The following HAUS8 variants were observed in gnomAD, a reference collection of about 807,000 sequenced individuals.
HAUS8 encodes the protein HAUS augmin-like complex subunit 8.
HAUS8 carries 38 observed loss-of-function variants against 42.9 expected under a neutral mutation model. The observed-to-expected ratio is 0.89, with a 90% CI of 0.68 to 1.16. The LOEUF (loss-of-function observed/expected upper bound fraction) is 1.16. HAUS8 is among the 50% of genes most tolerant of loss of function. The pLI, the probability that HAUS8 is intolerant of heterozygous loss-of-function variation, is 0.00. For missense variants in HAUS8, 494 were observed against 511.6 expected (o/e 0.97, Z 0.33); for synonymous variants, 199 against 205.8 (o/e 0.97, Z 0.28).
At chr19:17,075,471 G>T, upstream of HAUS8, 1 of 1,608,562 alleles carries the variant, frequency 6.2e-7, no homozygotes, top group South Asian at 1.1e-5. Flanking sequence ...TTCAAAGCCG[G>T]ACCCGCCCCC....
intron 10 of HAUS8, among the ~76,000 whole-genome samples, chr19:17,050,757 G>A (rs1356018554): frequency 6.6e-5 from 10 of 152,174 alleles, no homozygotes; most frequent in South Asian, 4.1e-4. Flanking sequence ...TTAGCCGGGC[G>A]TGGTGGAACG....
chr19:17,068,947 C>A, intron 3 of HAUS8, 84 bp downstream of exon 3: 1 of 1,259,574 alleles, frequency 7.9e-7, no homozygotes, highest in Non-Finnish European at 1.1e-6. Context: ...AGGTTGTGAC[C>A]ACCTCCCATG....
Position 17,068,099 on chromosome 19 carries a change from CTTTTTTTTTTTTT to C in HAUS8, c.147+919_147+931del, listed in dbSNP as rs889723027. Among the ~76,000 whole-genome samples the C allele has an allele frequency of 1.9e-3, 174 of 93,486 alleles. 2 individuals are homozygous for C. The highest frequency in any genetic ancestry group is 0.014 in the Middle Eastern group (2 of 138). The allele number at this position is 93,486 out of a possible 152,430, so 61.3% of individuals were successfully genotyped here. The stretch of plus-strand genomic sequence containing the variant: ...TAAAAACCTGTTTTTTTATTTTATT[CTTTTTTTTTTTTT>C]TTTTTTTTTTTGAAGACACGGGTCA... On this transcript the variant is annotated intron_variant, in intron 3 of 10. Transcript: ENST00000253669.
chr19:17,068,401 G>A (rs2057400918), intron 3 of HAUS8, among the ~76,000 whole-genome samples: 1 of 152,124 alleles, frequency 6.6e-6, no homozygotes, highest in Non-Finnish European at 1.5e-5. Context: ...ATACCAGCCA[G>A]ACACCAAGAA....
intron 10 of HAUS8, among the ~76,000 whole-genome samples, chr19:17,050,873 G>C (rs144763954): frequency 5.7e-4 from 87 of 151,558 alleles, no homozygotes; most frequent in African/African-American, 2.0e-3. Context: ...ACTCCAACCT[G>C]GGCGACAAAG....
At chr19:17,051,503 T>A (rs2057287142) in intron 10 of HAUS8, among the ~76,000 whole-genome samples, 2 of 151,674 alleles carry the variant, frequency 1.3e-5, no homozygotes. Flanking sequence ...TTTCTATCAA[T>A]CAGAAGTTCA....
intron 2 of HAUS8, among the ~76,000 whole-genome samples, chr19:17,070,417 G>A (rs995701931): frequency 6.6e-6 from 1 of 152,206 alleles, no homozygotes; most frequent in South Asian, 2.1e-4. Context: ...GGAAGCCTAA[G>A]TGCCTCCGGG....
chr19:17,055,191 TAA>T (rs1462471391), intron 9 of HAUS8: 19 of 67,998 alleles, frequency 2.8e-4, no homozygotes, highest in African/African-American at 1.1e-3. Flanking sequence ...TATATATATA[TAA>T]GCCAGGTGTG....
intron 9 of HAUS8, chr19:17,053,254 G>A: frequency 2.3e-6 from 1 of 436,030 alleles, no homozygotes; most frequent in Non-Finnish European, 4.2e-6. Flanking sequence ...GAAAAGGGCT[G>A]TGCTGTGCCA....
intron 3 of HAUS8, among the ~76,000 whole-genome samples, chr19:17,065,249 C>T (rs1346300583): frequency 6.6e-6 from 1 of 152,196 alleles, no homozygotes; most frequent in Non-Finnish European, 1.5e-5. Context: ...CTGTGGATAA[C>T]AGGTAGTTTC....
intron 8 of HAUS8, among the ~76,000 whole-genome samples, chr19:17,056,892 T>A (rs2057330135): frequency 6.6e-6 from 1 of 151,720 alleles, no homozygotes; most frequent in African/African-American, 2.4e-5. Context: ...CACATACATA[T>A]TTTTTATAGA....
chr19:17,059,867 G>A lies in HAUS8; in HGVS notation c.325+130C>T, dbSNP rs1276010849. The A allele has an allele frequency of 4.1e-6, 3 of 727,364 alleles. No homozygotes were observed. In the Admixed American group the frequency reaches 7.4e-5, roughly 18 times the overall value. The allele number at this position is 727,364 out of a possible 1,614,324, so 45.1% of individuals were successfully genotyped here. A position where few individuals can be genotyped will look rare whatever the true frequency, so the allele number is the denominator to read the frequency against. On this transcript the variant is annotated intron_variant, in intron 5 of 10. Coordinates refer to ENST00000253669, the MANE Select transcript of HAUS8 (RefSeq NM_033417.2). ...CCAAGGTATTAAGTATATTTTTGAT[G>A]TACAATATTTTCAACTTACAATGGG...
chr19:17,053,088 G>T, intron 9 of HAUS8, 122 bp from the exon 10 acceptor site: 1 of 1,160,536 alleles, frequency 8.6e-7, no homozygotes. Flanking sequence ...ACCGTGGAGA[G>T]CGCACAGGGA....
Position 17,075,408 on chromosome 19 carries a change from C to A in HAUS8, c.15G>T (p.Ser5=). Residue 5 remains serine (S), a synonymous_variant, in exon 1 of 11, where the codon TCG becomes TCT. Coordinates refer to ENST00000253669, the MANE Select transcript of HAUS8 (RefSeq NM_033417.2). ...CCCCAACTCACCCAGCGCCTCGCCC[C>A]GAGGAATCCGCCATTTTCCCGCCTT... MADS[S]GRGAGKPATG... 1.2e-6 allele frequency: 2 copies of A among 1,613,908 alleles called. No individual in the cohort carries two copies. The highest frequency in any genetic ancestry group is 1.7e-6 in the Non-Finnish European group (2 of 1,179,926).
At position 17,058,918 on chromosome 19, in the gene HAUS8, G is replaced by A. The variant is rs555138556; in HGVS notation, c.421-42C>T. ...GACCCTCTCAATTCCTGATGAAGTG[G>A]TATAAATCCAGCTCTTTTCCCAGCA... On this transcript the variant is annotated intron_variant, in intron 6 of 10. Coordinates refer to ENST00000253669, the MANE Select transcript of HAUS8 (RefSeq NM_033417.2). The A allele has an allele frequency of 5.9e-6, 9 of 1,518,428 alleles. No individual in the cohort carries two copies. The Admixed American group carries it at 1.1e-4, about 19-fold the overall frequency. 94.1% of individuals were successfully genotyped at this position (1,518,428 alleles called of 1,614,324 possible).
chr19:17,052,639 A>G, intron 10 of HAUS8, 186 bp downstream of exon 10: 1 of 626,126 alleles, frequency 1.6e-6, no homozygotes, highest in Non-Finnish European at 2.8e-6. Context: ...TATCCACAAT[A>G]CAGATGACAA....
In HAUS8 at chr19:17,069,052, A is replaced by G; in HGVS notation, c.126T>C (p.Tyr42=). The G allele has an allele frequency of 1.2e-6, 2 of 1,613,402 alleles. No homozygotes were observed. Among genetic ancestry groups the G allele is most frequent in the South Asian group, 2.2e-5 (2 of 90,886 alleles). ...GRVIESRYLQ[Y]EKKTTQKAPA... ...TTACCTTTTGGGTTGTCTTCTTTTC[A>G]TACTGCAGATACCGGGACTCAATCA... Residue 42 remains tyrosine (Y), a synonymous_variant, in exon 3 of 11, where the codon TAT becomes TAC. Coordinates refer to ENST00000253669, the MANE Select transcript of HAUS8 (RefSeq NM_033417.2).
At chr19:17,074,866 T>C (rs2123393747) in intron 1 of HAUS8, 1 of 155,018 alleles carries the variant, frequency 6.5e-6, no homozygotes, top group South Asian at 1.8e-4. Flanking sequence ...ATTCAACTTC[T>C]TTCTTGTTCA....
At chr19:17,071,254 G>A (rs1398653313) in intron 2 of HAUS8, among the ~76,000 whole-genome samples, 2 of 152,148 alleles carry the variant, frequency 1.3e-5, no homozygotes, top group Middle Eastern at 3.2e-3. Context: ...GACTGGGGTT[G>A]CAGCTGCTAC....
Sources: gnomAD v4.1 joint callset for allele counts (sites outside exome capture counted in the v4.1 genomes callset) on GRCh38, gnomAD v4.1.1 for gene constraint, MANE v1.5 for transcripts, NCBI Gene and HGNC (gene_info 2026-07-23, HGNC 2026-07-21) for gene names.